The following SRFBP1 variants were observed in gnomAD, a reference collection of about 807,000 sequenced individuals.
SRFBP1 encodes serum response factor-binding protein 1.
Under a neutral mutation model 45.5 loss-of-function variants are expected in SRFBP1, and 47 were observed. The observed-to-expected ratio is 1.03, with a 90% CI of 0.82 to 1.32. The LOEUF (loss-of-function observed/expected upper bound fraction) is 1.32. SRFBP1 is among the 40% of genes most tolerant of loss of function. The probability of loss-of-function intolerance (pLI) is 0.00; values close to 1 mark genes in which losing one functional copy is unlikely to be tolerated. For missense variants in SRFBP1, 621 were observed against 484.6 expected (o/e 1.28, Z -2.64); for synonymous variants, 203 against 166.3 (o/e 1.22, Z -1.70).
intron 3 of SRFBP1, among the ~76,000 whole-genome samples, 157 bp from the exon 4 acceptor site, chr5:121,994,442 G>A (rs1057037969): frequency 3.2e-4 from 48 of 151,820 alleles, no homozygotes; most frequent in African/African-American, 1.1e-3. Flanking sequence ...TATTCCTGAT[G>A]TTTCCTTTCA....
At chr5:122,071,982 T>A (rs1754465173) in intron 2 of SRFBP1, among the ~76,000 whole-genome samples, 1 of 152,188 alleles carries the variant, frequency 6.6e-6, no homozygotes, top group East Asian at 1.9e-4. Context: ...GATCCATACA[T>A]CACTTAACAG....
intron 4 of SRFBP1, among the ~76,000 whole-genome samples, chr5:122,017,919 C>G (rs1235511282): frequency 6.6e-6 from 1 of 152,202 alleles, no homozygotes; most frequent in Non-Finnish European, 1.5e-5. Context: ...ACTATTATTA[C>G]CAGTCACTAT....
intron 4 of SRFBP1, among the ~76,000 whole-genome samples, chr5:121,997,377 T>C (rs1446835720): frequency 6.6e-6 from 1 of 151,420 alleles, no homozygotes; most frequent in African/African-American, 2.4e-5. Context: ...TATAACTGTC[T>C]GATCTTTGAC....
chr5:121,999,416 C>T (rs1472435861), intron 4 of SRFBP1, among the ~76,000 whole-genome samples: 2 of 151,996 alleles, frequency 1.3e-5, no homozygotes, highest in Non-Finnish European at 1.5e-5. Context: ...ATTTCATGTG[C>T]ACTTGAAGAC....
chr5:122,078,696 A>G (rs1754714565), downstream of SRFBP1, among the ~76,000 whole-genome samples: 1 of 152,192 alleles, frequency 6.6e-6, no homozygotes, highest in Non-Finnish European at 1.5e-5. Flanking sequence ...ACTAAAGTTT[A>G]TCCATAAAAG....
chr5:121,962,656 T>G (rs187240754), intron 1 of SRFBP1, among the ~76,000 whole-genome samples: 1 of 152,354 alleles, frequency 6.6e-6, no homozygotes, highest in East Asian at 1.9e-4. Context: ...TTTCAGTCCA[T>G]TCTCATCAGA....
At chr5:121,972,963 A>G (rs1752230479) in intron 1 of SRFBP1, among the ~76,000 whole-genome samples, 1 of 152,032 alleles carries the variant, frequency 6.6e-6, no homozygotes, top group Non-Finnish European at 1.5e-5. Flanking sequence ...CTTAGGGTGT[A>G]AAGAAATTGT....
At chr5:122,007,604 C>T (rs987205376) in intron 4 of SRFBP1, among the ~76,000 whole-genome samples, 1 of 151,822 alleles carries the variant, frequency 6.6e-6, no homozygotes, top group African/African-American at 2.4e-5. Flanking sequence ...ATCCTACAGC[C>T]TCAGGGGCAG....
chr5:122,031,664 A>G (rs1405328178), downstream of SRFBP1, among the ~76,000 whole-genome samples: 2 of 152,198 alleles, frequency 1.3e-5, no homozygotes, highest in Non-Finnish European at 2.9e-5. Flanking sequence ...ATACATGCCC[A>G]AGAGAATTGA....
intron 6 of SRFBP1, among the ~76,000 whole-genome samples, chr5:122,021,460 A>G (rs1240887851): frequency 6.6e-6 from 1 of 152,200 alleles, no homozygotes. Flanking sequence ...GCATATATTT[A>G]CAAGTCAGGG....
intron 1 of SRFBP1, among the ~76,000 whole-genome samples, chr5:121,967,836 T>G (rs1019366058): frequency 2.0e-5 from 3 of 152,198 alleles, no homozygotes; most frequent in African/African-American, 7.2e-5. Flanking sequence ...CAGACCTTGT[T>G]TCGAACAAAG....
chr5:122,056,233 A>G (rs1184365887), intron 2 of SRFBP1, among the ~76,000 whole-genome samples: 4 of 152,170 alleles, frequency 2.6e-5, no homozygotes, highest in South Asian at 2.1e-4. Flanking sequence ...TTGTCTGGCA[A>G]TTTGGGGCTG....
intron 3 of SRFBP1, among the ~76,000 whole-genome samples, chr5:121,989,036 GA>G (rs879776979): frequency 5.4e-5 from 8 of 149,490 alleles, no homozygotes; most frequent in Non-Finnish European, 7.4e-5. Context: ...ACATTTATCT[GA>G]AAAAAAAAGA....
intron 2 of SRFBP1, among the ~76,000 whole-genome samples, chr5:122,044,100 G>C (rs534062271): frequency 6.6e-6 from 1 of 152,216 alleles, no homozygotes; most frequent in East Asian, 1.9e-4. Context: ...AGGTGAGAAT[G>C]TGCAGTATTG....
intron 7 of SRFBP1, among the ~76,000 whole-genome samples, chr5:122,025,778 A>G (rs1051169351): frequency 1.3e-5 from 2 of 152,160 alleles, no homozygotes; most frequent in African/African-American, 4.8e-5. Context: ...TAACATTTTT[A>G]CATTTGTTTT....
At chr5:121,985,735 A>T (rs933765501) in intron 3 of SRFBP1, among the ~76,000 whole-genome samples, 1 of 151,946 alleles carries the variant, frequency 6.6e-6, no homozygotes, top group Non-Finnish European at 1.5e-5. Context: ...AATGCCATGT[A>T]CTTTTCTAGA....
At chr5:122,063,829 G>T (rs911180641) in intron 2 of SRFBP1, 2 of 151,690 alleles carry the variant, frequency 1.3e-5, no homozygotes, top group South Asian at 2.1e-4. Context: ...CCGAATATTG[G>T]GAATGTTTAT....
At chr5:122,063,641 T>G (rs1190118940) in intron 2 of SRFBP1, 1 of 151,882 alleles carries the variant, frequency 6.6e-6, no homozygotes, top group Non-Finnish European at 1.5e-5. Flanking sequence ...CAAAAAAATA[T>G]GTATATATAG....
chr5:122,015,184 T>G (rs566596738), intron 4 of SRFBP1, among the ~76,000 whole-genome samples: 1 of 152,304 alleles, frequency 6.6e-6, no homozygotes, highest in East Asian at 1.9e-4. Context: ...TTGTTGTCAT[T>G]GTTTTTACAT....
Sources: allele counts gnomAD v4.1 joint callset (sites outside exome capture counted in the v4.1 genomes callset), GRCh38; gene constraint gnomAD v4.1.1; transcripts MANE v1.5; gene names NCBI Gene and HGNC (gene_info 2026-07-23, HGNC 2026-07-21).